Variants in ADCY4 observed in about 807,000 individuals in gnomAD.
The protein encoded by ADCY4 is adenylate cyclase type 4.
A neutral mutation model predicts 125.5 loss-of-function variants in ADCY4; 111 were observed. The ratio of observed to expected loss-of-function variants is 0.88; its 90% CI spans 0.76 to 1.04. ADCY4 has a LOEUF of 1.04. Among genes scored for constraint, ADCY4 ranks in the 50% least tolerant of loss-of-function variants. The pLI is 0.00. For missense variants in ADCY4, 1,256 were observed against 1,382.9 expected (o/e 0.91, Z 1.46); for synonymous variants, 576 against 586.9 (o/e 0.98, Z 0.27).
At chr14:24,321,500 A>C (rs978873720) in intron 20 of ADCY4, among the ~76,000 whole-genome samples, 2 of 151,722 alleles carry the variant, frequency 1.3e-5, no homozygotes, top group Non-Finnish European at 1.5e-5. Flanking sequence ...TGTGTCTTAA[A>C]AAAAAAAAAA....
Position 24,327,368 on chromosome 14 carries a change from C to T in ADCY4, c.1525-1026G>A, listed in dbSNP as rs138365540. On this transcript the variant is annotated intron_variant, in intron 10 of 24. Coordinates refer to ENST00000418030, the MANE Select transcript of ADCY4 (RefSeq NM_001198568.2). ...GCGGCAGGAGGTCTAGCATGGGCCC[C>T]GGCAGGCATTCCTGCTATGTAATTG... Among the ~76,000 whole-genome samples the T allele has an allele frequency of 6.0e-3, 906 of 152,216 alleles. 7 individuals are homozygous for T. The highest frequency in any genetic ancestry group is 0.021 in the African/African-American group (861 of 41,506).
chr14:24,318,936 G>T, intron 23 of ADCY4, 158 bp from the exon 24 acceptor site: 1 of 1,386,440 alleles, frequency 7.2e-7, no homozygotes. Flanking sequence ...GAGTGGGAGA[G>T]CCTCGTACCT....
At chr14:24,328,652 G>A (rs923083373) in intron 10 of ADCY4, 3 of 189,418 alleles carry the variant, frequency 1.6e-5, no homozygotes, top group Non-Finnish European at 1.1e-5. Context: ...AAATAACAGC[G>A]CAGCCCGACA....
In ADCY4 at chr14:24,319,625, G is replaced by T; in HGVS notation, c.2733+117C>A. The T allele has an allele frequency of 1.5e-6, 2 of 1,362,322 alleles. No homozygotes were observed. The highest frequency in any genetic ancestry group is 2.1e-6 in the Non-Finnish European group (2 of 970,096). The allele number at this position is 1,362,322 out of a possible 1,614,324, so 84.4% of individuals were successfully genotyped here. ...GATCTGGGGGATCAGAGGAGGTGAG[G>T]GAGTACTGTGGAGGGGAGGATTGAC... On this transcript the variant is annotated intron_variant, in intron 21 of 24. Coordinates refer to ENST00000418030, the MANE Select transcript of ADCY4 (RefSeq NM_001198568.2). This position sits in a 1 kb window ranked among gnomAD's most constrained non-coding sequence, Gnocchi z 4.5.
In ADCY4 at chr14:24,318,789, A is replaced by G; in HGVS notation, c.2957-11T>C. The G allele has an allele frequency of 6.2e-7, 1 of 1,614,016 alleles. No individual in the cohort carries two copies. The highest frequency in any genetic ancestry group is 1.7e-5 in the Admixed American group (1 of 60,010). On this transcript the variant is annotated splice_polypyrimidine_tract_variant and intron_variant, in intron 23 of 24. Transcript: ENST00000418030. ...GTCCATGGTTCAACCCTAATGAGGG[A>G]TGTGGTAATGACAGACTTGGAGAAG...
chr14:24,320,706 A>T (rs2139192929), intron 20 of ADCY4, among the ~76,000 whole-genome samples: 1 of 152,322 alleles, frequency 6.6e-6, no homozygotes, highest in South Asian at 2.1e-4. Context: ...GAGGATCTAG[A>T]GCAGCAGCAT....
chr14:24,327,371 C>A (rs2041965570), intron 10 of ADCY4, among the ~76,000 whole-genome samples: 1 of 152,146 alleles, frequency 6.6e-6, no homozygotes, highest in African/African-American at 2.4e-5. Context: ...TGGGCCCCGG[C>A]AGGCATTCCT....
intron 1 of ADCY4, among the ~76,000 whole-genome samples, chr14:24,333,843 C>A (rs990530770): frequency 2.6e-5 from 4 of 152,140 alleles, no homozygotes; most frequent in Non-Finnish European, 4.4e-5. Flanking sequence ...ACCAGGGCTG[C>A]GATCTCGCCA....
chr14:24,330,360 G>A, intron 6 of ADCY4, 65 bp from the exon 7 acceptor site: 1 of 1,602,796 alleles, frequency 6.2e-7, no homozygotes, highest in Non-Finnish European at 8.5e-7. Context: ...GGAGGGAGTT[G>A]GGAAAAGTGG....
At position 24,319,494 on chromosome 14, in the gene ADCY4, C is replaced by T; in HGVS notation, c.2734-58G>A. 1 of 1,545,350 alleles carries T rather than the reference C, an allele frequency of 6.5e-7. No homozygotes were observed. The highest frequency in any genetic ancestry group is 1.1e-5 in the South Asian group (1 of 88,934). On this transcript the variant is annotated intron_variant, in intron 21 of 24. Transcript: ENST00000418030. The surrounding 1 kb of genome is among the most constrained non-coding windows in gnomAD (Gnocchi z 4.5). Reference sequence around the variant, plus strand: ...CTCTTACTCTCTCCATCACCTCTCCCAGAAGCCCAGCCCCAAGCCTTTGGA... The same window carrying T: ...CTCTTACTCTCTCCATCACCTCTCCTAGAAGCCCAGCCCCAAGCCTTTGGA...
intron 14 of ADCY4, among the ~76,000 whole-genome samples, chr14:24,324,797 G>A (rs568983607): frequency 5.4e-4 from 82 of 151,904 alleles, no homozygotes; most frequent in Non-Finnish European, 1.0e-3. Flanking sequence ...TCCGCCTCCC[G>A]GGTTTGAGCG....
chr14:24,331,449 C>G, intron 4 of ADCY4, 93 bp from the exon 5 acceptor site: 1 of 1,546,630 alleles, frequency 6.5e-7, no homozygotes, highest in South Asian at 1.2e-5. Context: ...ACTGCCCATC[C>G]TAGGTGCTCC....
chr14:24,324,747 T>A (rs1257956826), intron 14 of ADCY4, among the ~76,000 whole-genome samples: 3 of 151,708 alleles, frequency 2.0e-5, no homozygotes, highest in Non-Finnish European at 2.9e-5. Flanking sequence ...TCTGTTGCCC[T>A]GGCTGGAGTG....
intron 23 of ADCY4, 136 bp from the exon 24 acceptor site, chr14:24,318,914 G>C: frequency 1.4e-6 from 2 of 1,438,526 alleles, no homozygotes; most frequent in South Asian, 1.3e-5. Context: ...GAGGAATGTA[G>C]CTTAAGAAAA....
At position 24,330,245 on chromosome 14, in the gene ADCY4, G is replaced by T. The variant is rs1436794980; in HGVS notation, c.981C>A (p.Val327=). The T allele has an allele frequency of 6.2e-7, 1 of 1,614,218 alleles. No individual in the cohort carries two copies. The highest frequency in any genetic ancestry group is 8.5e-7 in the Non-Finnish European group (1 of 1,180,040). ...IKILGDCYYC[V]SGLPLSLPDH... Reference sequence around the variant, plus strand: ...CTGGCAGTGAGAGTGGCAGCCCAGAGACACAGTAGTAACAGTCCCCCAGGA... The same window carrying T: ...CTGGCAGTGAGAGTGGCAGCCCAGATACACAGTAGTAACAGTCCCCCAGGA... Residue 327 remains valine, a synonymous_variant, in exon 7 of 25, where the codon GTC becomes GTA. Coordinates refer to ENST00000418030, the MANE Select transcript of ADCY4 (RefSeq NM_001198568.2).
At chr14:24,331,493 C>T in intron 4 of ADCY4, 137 bp from the exon 5 acceptor site, 3 of 1,209,342 alleles carry the variant, frequency 2.5e-6, no homozygotes, top group Non-Finnish European at 3.4e-6. Context: ...CCGCTGCACA[C>T]AGCAGGGCCC....
chr14:24,330,498 C>T (rs1410271888), intron 6 of ADCY4: 1 of 684,300 alleles, frequency 1.5e-6, no homozygotes, highest in African/African-American at 1.8e-5. Context: ...AAGAGTTTCC[C>T]CAAGGGCTGG....
At position 24,331,136 on chromosome 14, in the gene ADCY4, AG is replaced by A; in HGVS notation, c.819-8del. ...GATGTCAGCATACAGCACGCTGCAT[AG>A]GGCAGACTGTGTCAGCAGGGCCAGG... On this transcript the variant is annotated splice_polypyrimidine_tract_variant and splice_region_variant and intron_variant, in intron 5 of 24. Transcript: ENST00000418030. The A allele has an allele frequency of 6.2e-7, 1 of 1,612,988 alleles. No individual in the cohort carries two copies. The highest frequency in any genetic ancestry group is 1.7e-5 in the Admixed American group (1 of 60,004).
rs78153407 is a variant in ADCY4, at chr14:24,332,802, C to A, written c.346G>T (p.Ala116Ser). Residue 116 changes from alanine (A) to serine (S), a missense_variant, in exon 2 of 25, where the codon GCC becomes TCC. Transcript: ENST00000418030. ...GCCGCCCCTCTCACCTGGTCCCAGG[C>A]GCTCACCACGCCCCCGGTGAACAGG... ...AFLFTGGVVS[A>S]WDQVSYFLFV... 3.9e-6 allele frequency: 6 copies of A among 1,554,976 alleles called. No homozygotes were observed. Among genetic ancestry groups the A allele is most frequent in the Admixed American group, 3.9e-5 (2 of 51,848 alleles).
Sources: allele counts gnomAD v4.1 joint callset (sites outside exome capture counted in the v4.1 genomes callset), GRCh38; gene constraint gnomAD v4.1.1; non-coding constraint Gnocchi (gnomAD v3.1); transcripts MANE v1.5; gene names NCBI Gene and HGNC (gene_info 2026-07-23, HGNC 2026-07-21).